The following PTGER3 variants were observed in gnomAD, a reference collection of about 807,000 sequenced individuals.
PTGER3 encodes prostaglandin E receptor 3, also known as prostaglandin E2 receptor EP3 subtype.
Under a neutral mutation model 34.7 loss-of-function variants are expected in PTGER3, and 22 were observed. The ratio of observed to expected loss-of-function variants is 0.63; its 90% CI spans 0.45 to 0.91. The LOEUF (loss-of-function observed/expected upper bound fraction) is 0.91. Among genes scored for constraint, PTGER3 ranks in the 40% least tolerant of loss-of-function variants. The pLI is 0.00. For synonymous variants in PTGER3, 241 were observed against 230.1 expected (o/e 1.05, Z -0.43); for missense variants, 468 against 519.4 (o/e 0.90, Z 0.96).
At chr1:70,886,942 A>C (rs1280543082) in intron 4 of PTGER3, among the ~76,000 whole-genome samples, 5 of 152,248 alleles carry the variant, frequency 3.3e-5, no homozygotes, top group Admixed American at 2.0e-4. Context: ...AGAAGGAAGA[A>C]TAAGTTAACA....
chr1:71,035,553 C>T lies in PTGER3; in HGVS notation c.897+11128G>A, dbSNP rs567668962. ...TTAATGTCTCTACATCTCCATCTGT[C>T]CTCAGTACTCGAGGGCTCTGATGCT... On this transcript the variant is annotated intron_variant, in intron 1 of 3. Coordinates refer to ENST00000306666, the MANE Select transcript of PTGER3 (RefSeq NM_198719.2). Among the ~76,000 whole-genome samples the T allele has an allele frequency of 3.3e-5, 5 of 152,312 alleles. No individual in the cohort carries two copies. The South Asian group carries it at 1.0e-3, about 32-fold the overall frequency.
intron 4 of PTGER3, among the ~76,000 whole-genome samples, chr1:70,894,195 G>A (rs1646677118): frequency 1.3e-5 from 2 of 150,442 alleles, no homozygotes; most frequent in Admixed American, 1.3e-4. Context: ...TGTAATCCCA[G>A]CTACTTGGGA....
At chr1:71,020,299 T>C (rs1334968742) in intron 1 of PTGER3, among the ~76,000 whole-genome samples, 1 of 152,198 alleles carries the variant, frequency 6.6e-6, no homozygotes, top group Admixed American at 6.6e-5. Flanking sequence ...ATTTCGTCAT[T>C]ACTACTACGT....
intron 4 of PTGER3, among the ~76,000 whole-genome samples, chr1:70,855,655 T>G (rs548809620): frequency 4.9e-4 from 75 of 152,296 alleles, no homozygotes; most frequent in African/African-American, 1.7e-3. Context: ...TTGAAAGAAT[T>G]ATGACAGAGT....
At chr1:71,009,448 G>C in intron 2 of PTGER3, 2 of 982,016 alleles carry the variant, frequency 2.0e-6, no homozygotes, top group Non-Finnish European at 2.4e-6. Flanking sequence ...TAAATATTGA[G>C]ATAACTCATT....
At chr1:70,975,238 G>C (rs1407356367) in intron 2 of PTGER3, among the ~76,000 whole-genome samples, 1 of 152,138 alleles carries the variant, frequency 6.6e-6, no homozygotes, top group Non-Finnish European at 1.5e-5. Context: ...AGAAATCATA[G>C]TGGATAAGCA....
rs371688813 is a variant in PTGER3, at chr1:70,989,899, G to GCA, written c.1078-15513_1078-15512dup. Reference sequence around the variant, plus strand: ...GTCAATGGAACCTACACACACACACGCACACACACACATGCATATATATTT... The same window carrying GCA: ...GTCAATGGAACCTACACACACACACGCACACACACACACATGCATATATATTT... On this transcript the variant is annotated intron_variant, in intron 2 of 3. Coordinates refer to ENST00000306666, the MANE Select transcript of PTGER3 (RefSeq NM_198719.2). 3.7e-4 allele frequency among the ~76,000 whole-genome samples: 53 copies of GCA among 145,160 alleles called. 1 individual carries two copies. The East Asian group carries it at 5.1e-3, about 14-fold the overall frequency.
intron 1 of PTGER3, among the ~76,000 whole-genome samples, chr1:71,033,515 T>C (rs1394965315): frequency 3.3e-5 from 5 of 152,230 alleles, no homozygotes; most frequent in Non-Finnish European, 7.3e-5. Context: ...CTCCTTCCAC[T>C]AGAATGCTAA....
At chr1:70,982,226 A>G (rs1451368916) in intron 2 of PTGER3, among the ~76,000 whole-genome samples, 1 of 152,172 alleles carries the variant, frequency 6.6e-6, no homozygotes, top group Non-Finnish European at 1.5e-5. Flanking sequence ...AAATTATTCT[A>G]CCAGGTATAT....
intron 4 of PTGER3, among the ~76,000 whole-genome samples, chr1:70,916,991 C>T (rs905118081): frequency 1.3e-5 from 2 of 151,910 alleles, no homozygotes; most frequent in Non-Finnish European, 2.9e-5. Context: ...GTGGTAATTA[C>T]CTTACCCATC....
intron 2 of PTGER3, among the ~76,000 whole-genome samples, chr1:70,994,313 G>A (rs17090749): frequency 0.041 from 6,268 of 152,206 alleles, 202 homozygotes; most frequent in African/African-American, 0.072. Flanking sequence ...GACCTTTACC[G>A]GGATGGAAAA....
At chr1:70,973,202 TGATAGATAGATAGATAGATGATAGATA>T (rs1172578388) in intron 3 of PTGER3, among the ~76,000 whole-genome samples, 8 of 143,902 alleles carry the variant, frequency 5.6e-5, no homozygotes, top group African/African-American at 7.9e-5. Context: ...TATAGATAGA[TGATAGATAGATAGATAGATGATAGATA>T]GATAGATAGA....
intron 2 of PTGER3, among the ~76,000 whole-genome samples, chr1:70,979,986 T>C (rs758654280): frequency 6.6e-6 from 1 of 152,126 alleles, no homozygotes. Flanking sequence ...CTCTTCACAA[T>C]AGCACAGATT....
intron 1 of PTGER3, among the ~76,000 whole-genome samples, chr1:71,017,394 G>C (rs1658002765): frequency 6.6e-6 from 1 of 152,148 alleles, no homozygotes; most frequent in Non-Finnish European, 1.5e-5. Context: ...ATGCAGCCCT[G>C]TAGCACCTTT....
At chr1:70,902,192 A>G (rs1297570382) in intron 4 of PTGER3, among the ~76,000 whole-genome samples, 1 of 152,186 alleles carries the variant, frequency 6.6e-6, no homozygotes, top group Non-Finnish European at 1.5e-5. Flanking sequence ...AAATGTCCAA[A>G]TAGGGAGAAT....
In PTGER3 at chr1:71,046,887, C is replaced by G. The variant is rs777755530; in HGVS notation, c.691G>C (p.Ala231Pro). Residue 231 changes from alanine (A) to proline (P), a missense_variant, in exon 1 of 4, where the codon GCC becomes CCC. Physicochemically the swap from Ala to Pro is conservative, Grantham distance 27. Transcript: ENST00000306666. ...SSHNWGNLFF[A>P]SAFAFLGLLA... ...AGCCCCAGGAAGGCAAAGGCAGAGGCGAAGAAAAGGTTGCCCCAGTTATGC... is the reference window on the plus strand; with the variant it reads ...AGCCCCAGGAAGGCAAAGGCAGAGGGGAAGAAAAGGTTGCCCCAGTTATGC... The G allele has an allele frequency of 6.2e-7, 1 of 1,612,916 alleles. No individual in the cohort carries two copies. Among genetic ancestry groups the G allele is most frequent in the African/African-American group, 1.3e-5 (1 of 74,930 alleles).
intron 2 of PTGER3, among the ~76,000 whole-genome samples, chr1:70,965,200 G>T (rs1003630334): frequency 2.6e-5 from 4 of 152,140 alleles, no homozygotes; most frequent in Non-Finnish European, 4.4e-5. Flanking sequence ...GTTGTAGAAA[G>T]CTCTGTGGAC....
At chr1:70,994,582 G>A (rs1044308991) in intron 2 of PTGER3, among the ~76,000 whole-genome samples, 6 of 151,530 alleles carry the variant, frequency 4.0e-5, no homozygotes, top group East Asian at 3.9e-4. Context: ...CTCAGCCTCC[G>A]GAGTAGCTGG....
At chr1:71,022,706 C>T (rs955897517) in intron 1 of PTGER3, among the ~76,000 whole-genome samples, 1 of 151,192 alleles carries the variant, frequency 6.6e-6, no homozygotes, top group African/African-American at 2.4e-5. Flanking sequence ...CTCTCTCTTA[C>T]ACACACACAC....
Sources: allele counts gnomAD v4.1 joint callset (sites outside exome capture counted in the v4.1 genomes callset), GRCh38; gene constraint gnomAD v4.1.1; transcripts MANE v1.5; gene names NCBI Gene and HGNC (gene_info 2026-07-23, HGNC 2026-07-21).